Variants in TRHDE observed in about 807,000 individuals in gnomAD.
The protein encoded by TRHDE is thyrotropin releasing hormone degrading enzyme.
In TRHDE, 72 loss-of-function variants were observed where a neutral mutation model predicts 125.7. That is an observed-to-expected ratio of 0.57 (90% confidence interval 0.47 to 0.70). TRHDE has a LOEUF of 0.70. Among genes scored for constraint, TRHDE ranks in the 30% least tolerant of loss-of-function variants. TRHDE has a pLI of 0.00. For synonymous variants in TRHDE, 509 were observed against 509.1 expected (o/e 1.00, Z 0.00); for missense variants, 1,110 against 1,327.1 (o/e 0.84, Z 2.54).
chr12:72,441,336 T>C (rs372824325), intron 3 of TRHDE, among the ~76,000 whole-genome samples: 1 of 152,022 alleles, frequency 6.6e-6, no homozygotes, highest in South Asian at 2.1e-4. Flanking sequence ...GGTACAGCAG[T>C]AATAAAATTG....
intron 3 of TRHDE, among the ~76,000 whole-genome samples, chr12:72,430,305 A>ATG: frequency 2.1e-5 from 3 of 145,154 alleles, no homozygotes; most frequent in Non-Finnish European, 3.0e-5. Context: ...ATATGTATAT[A>ATG]TATGTATATA....
intron 3 of TRHDE, among the ~76,000 whole-genome samples, chr12:72,455,597 G>A (rs1742774691): frequency 6.6e-6 from 1 of 151,952 alleles, no homozygotes; most frequent in African/African-American, 2.4e-5. Context: ...GGAAGTGTTG[G>A]GGATGGAAAT....
intron 5 of TRHDE, among the ~76,000 whole-genome samples, chr12:72,485,257 C>G (rs1877349151): frequency 6.6e-6 from 1 of 152,180 alleles, no homozygotes; most frequent in African/African-American, 2.4e-5. Context: ...ATCAGAGCCA[C>G]TATTAGAGTG....
chr12:72,354,281 T>A (rs759379574), intron 2 of TRHDE, among the ~76,000 whole-genome samples: 1 of 151,608 alleles, frequency 6.6e-6, no homozygotes, highest in Non-Finnish European at 1.5e-5. Context: ...AAAGATATGT[T>A]TGATGAATAG....
chr12:72,536,226 T>C (rs1215901892), intron 6 of TRHDE, among the ~76,000 whole-genome samples: 1 of 152,156 alleles, frequency 6.6e-6, no homozygotes, highest in African/African-American at 2.4e-5. Context: ...CAACTTATTT[T>C]AGGGACCTAT....
intron 2 of TRHDE, among the ~76,000 whole-genome samples, chr12:72,349,336 C>T (rs749989688): frequency 6.6e-6 from 1 of 151,980 alleles, no homozygotes; most frequent in Non-Finnish European, 1.5e-5. Context: ...TAGATGTTCT[C>T]TATGCTTCTG....
chr12:72,568,937 A>G (rs1870588902), intron 10 of TRHDE, among the ~76,000 whole-genome samples: 1 of 152,186 alleles, frequency 6.6e-6, no homozygotes, highest in African/African-American at 2.4e-5. Flanking sequence ...ATTTCTTTAT[A>G]ACTCCACATG....
At chr12:72,329,279 T>A (rs1869474470) in intron 2 of TRHDE, among the ~76,000 whole-genome samples, 1 of 152,240 alleles carries the variant, frequency 6.6e-6, no homozygotes, top group African/African-American at 2.4e-5. Flanking sequence ...AGTGGGTGAA[T>A]AATTTATCCA....
At chr12:72,149,204 G>A (rs1434164694) in intron 2 of TRHDE, among the ~76,000 whole-genome samples, 1 of 152,016 alleles carries the variant, frequency 6.6e-6, no homozygotes, top group Non-Finnish European at 1.5e-5. Context: ...TCTCCAAACT[G>A]TAATTTGGAG....
intron 2 of TRHDE, among the ~76,000 whole-genome samples, chr12:72,143,867 T>C (rs1033843157): frequency 1.3e-5 from 2 of 152,180 alleles, no homozygotes; most frequent in Non-Finnish European, 2.9e-5. Flanking sequence ...CCCAACACCA[T>C]GCCCCAAATA....
chr12:72,212,285 A>G (rs1031538087), intron 2 of TRHDE, among the ~76,000 whole-genome samples: 1 of 152,106 alleles, frequency 6.6e-6, no homozygotes, highest in Non-Finnish European at 1.5e-5. Flanking sequence ...ACACTCTTAG[A>G]AGACTTAGGA....
At chr12:72,500,836 C>T (rs1427866989) in intron 6 of TRHDE, among the ~76,000 whole-genome samples, 3 of 145,642 alleles carry the variant, frequency 2.1e-5, no homozygotes, top group Non-Finnish European at 3.0e-5. Context: ...CCTGTTAGTC[C>T]TCCAACTTTG....
At chr12:72,129,427 A>G (rs1397134720) in intron 2 of TRHDE, among the ~76,000 whole-genome samples, 1 of 152,232 alleles carries the variant, frequency 6.6e-6, no homozygotes, top group Admixed American at 6.5e-5. Flanking sequence ...ATGAATGCCT[A>G]GATTGTCTCC....
intron 2 of TRHDE, among the ~76,000 whole-genome samples, chr12:72,152,002 A>G (rs1876378621): frequency 6.6e-6 from 1 of 151,642 alleles, no homozygotes; most frequent in Non-Finnish European, 1.5e-5. Flanking sequence ...GGCCATTTTC[A>G]CAATATTGAT....
intron 3 of TRHDE, among the ~76,000 whole-genome samples, chr12:72,380,647 G>A (rs1872098683): frequency 6.6e-6 from 1 of 152,050 alleles, no homozygotes; most frequent in Non-Finnish European, 1.5e-5. Flanking sequence ...TAGATGACAC[G>A]GTCAAGGAGG....
chr12:72,629,633 T>C (rs1446461019), intron 15 of TRHDE, among the ~76,000 whole-genome samples: 1 of 151,706 alleles, frequency 6.6e-6, no homozygotes, highest in Non-Finnish European at 1.5e-5. Context: ...TGGAATTTTG[T>C]TGGCTGAGTA....
At chr12:72,478,234 C>T (rs886656696) in intron 5 of TRHDE, among the ~76,000 whole-genome samples, 5 of 152,146 alleles carry the variant, frequency 3.3e-5, no homozygotes, top group African/African-American at 1.2e-4. Flanking sequence ...GGGCTGGACC[C>T]AAGGGCTTTT....
chr12:72,323,393 C>T (rs552794687), intron 2 of TRHDE, among the ~76,000 whole-genome samples: 8 of 152,096 alleles, frequency 5.3e-5, no homozygotes, highest in Non-Finnish European at 1.2e-4. Flanking sequence ...CAACAGAATA[C>T]ACTTTAGAAC....
chr12:72,151,226 A>G (rs1288578593), intron 2 of TRHDE, among the ~76,000 whole-genome samples: 2 of 152,038 alleles, frequency 1.3e-5, no homozygotes, highest in East Asian at 1.9e-4. Context: ...CATATCCTTC[A>G]CCCACTTTTT....
Sources: gnomAD v4.1 joint callset for allele counts (sites outside exome capture counted in the v4.1 genomes callset) on GRCh38, gnomAD v4.1.1 for gene constraint, MANE v1.5 for transcripts, NCBI Gene and HGNC (gene_info 2026-07-23, HGNC 2026-07-21) for gene names.